Variants in ZNF608 observed in about 807,000 individuals in gnomAD.
The protein encoded by ZNF608 is zinc finger protein 608.
Under a neutral mutation model 109.0 loss-of-function variants are expected in ZNF608, and 12 were observed. That is an observed-to-expected ratio of 0.11 (90% CI 0.07 to 0.18). The LOEUF is 0.18. ZNF608 is among the 10% of genes least tolerant of loss of function. ZNF608 has a pLI of 1.00. For synonymous variants in ZNF608, 732 were observed against 717.4 expected (o/e 1.02, Z -0.33); for missense variants, 1,707 against 1,879.3 (o/e 0.91, Z 1.70).
intron 3 of ZNF608, among the ~76,000 whole-genome samples, chr5:124,689,805 A>G (rs1397277480): frequency 1.3e-5 from 2 of 152,218 alleles, no homozygotes; most frequent in Non-Finnish European, 2.9e-5. Context: ...TTTCCAAAAA[A>G]CAGTCTGGCA....
Position 124,733,346 on chromosome 5 carries a change from C to A in ZNF608, c.906+10738G>T, listed in dbSNP as rs1201846446. ...CATTTGGAGTTTATAAAACTATGCA[C>A]CATCAACAAAAGCATGTAATGCTTC... On this transcript the variant is annotated intron_variant, in intron 2 of 9. Coordinates refer to ENST00000513986, the MANE Select transcript of ZNF608 (RefSeq NM_020747.3). Among the ~76,000 whole-genome samples the A allele has an allele frequency of 2.6e-5, 4 of 151,408 alleles. No homozygotes were observed. In the East Asian group the frequency reaches 7.8e-4, roughly 29 times the overall value.
intron 2 of ZNF608, chr5:124,710,167 G>A: frequency 2.2e-6 from 1 of 450,872 alleles, no homozygotes; most frequent in South Asian, 1.6e-5. Flanking sequence ...AAGGTTAGAA[G>A]TCTCTCATCC....
At chr5:124,725,838 C>G (rs1754115570) in intron 2 of ZNF608, among the ~76,000 whole-genome samples, 1 of 152,038 alleles carries the variant, frequency 6.6e-6, no homozygotes, top group Non-Finnish European at 1.5e-5. Context: ...CAGCTCTTCT[C>G]CACCCCTCTC....
intron 2 of ZNF608, among the ~76,000 whole-genome samples, chr5:124,717,583 T>C (rs1753754641): frequency 1.3e-5 from 2 of 152,234 alleles, no homozygotes; most frequent in East Asian, 3.8e-4. Flanking sequence ...TAACTAATGT[T>C]AGCAAAAAGG....
intron 2 of ZNF608, among the ~76,000 whole-genome samples, chr5:124,730,579 G>C (rs572210721): frequency 6.6e-6 from 1 of 152,214 alleles, no homozygotes; most frequent in African/African-American, 2.4e-5. Flanking sequence ...GTGTTTCAAA[G>C]GAGACTTTAA....
chr5:124,723,644 T>G (rs1754023334), intron 2 of ZNF608, among the ~76,000 whole-genome samples: 1 of 152,092 alleles, frequency 6.6e-6, no homozygotes, highest in African/African-American at 2.4e-5. Flanking sequence ...CCAGAGATCG[T>G]GCCACTGCAC....
intron 2 of ZNF608, chr5:124,708,821 C>T (rs1458063930): frequency 4.0e-5 from 18 of 448,348 alleles, no homozygotes; most frequent in South Asian, 2.9e-4. Flanking sequence ...CCAGTGGGGC[C>T]AAGACGGATG....
At chr5:124,719,793 C>T (rs1753836481) in intron 2 of ZNF608, among the ~76,000 whole-genome samples, 2 of 152,218 alleles carry the variant, frequency 1.3e-5, no homozygotes, top group South Asian at 4.2e-4. Context: ...AGAGAGAGTC[C>T]ATACATGCCC....
chr5:124,696,716 T>C (rs1006676958), intron 3 of ZNF608, among the ~76,000 whole-genome samples: 9 of 152,200 alleles, frequency 5.9e-5, no homozygotes, highest in African/African-American at 1.4e-4. Flanking sequence ...TCACCTGCCA[T>C]AGCATCTTGA....
intron 2 of ZNF608, chr5:124,708,851 C>A (rs182706901): frequency 6.8e-6 from 3 of 438,142 alleles, no homozygotes; most frequent in Non-Finnish European, 9.1e-6. Flanking sequence ...CCAGCCAGAA[C>A]CCCCACCATG....
chr5:124,691,245 T>C (rs1448658537), intron 3 of ZNF608, among the ~76,000 whole-genome samples: 1 of 151,962 alleles, frequency 6.6e-6, no homozygotes, highest in Non-Finnish European at 1.5e-5. Flanking sequence ...AGCAAGACCC[T>C]GTCTCTTTTA....
rs542090838 is a variant in ZNF608, at chr5:124,646,893, T to A, written c.3491A>T (p.Lys1164Ile). Reference sequence around the variant, plus strand: ...TGATGGCCCTAGTTTAGAATGGTTTTTGTTAGGCTCCGGAGTAGAGGGAGC... The same window carrying A: ...TGATGGCCCTAGTTTAGAATGGTTTATGTTAGGCTCCGGAGTAGAGGGAGC... ...SKAPSTPEPN[K>I]NHSKLGPSVP... The change falls in exon 5 of 10, where the codon AAA (lysine) becomes ATA (isoleucine). Residue 1164 changes from lysine (K) to isoleucine (I), a missense_variant. By Grantham distance (102) the Lys-to-Ile change is moderately radical (BLOSUM62 -3). Around this residue, in one of 7 missense-constraint regions of ZNF608, gnomAD observed 1,073 missense variants for 1,133.5 expected, o/e 0.95. Coordinates refer to ENST00000513986, the MANE Select transcript of ZNF608 (RefSeq NM_020747.3). 96 of 1,614,186 alleles carry A rather than the reference T, an allele frequency of 5.9e-5. 1 individual carries two copies. In the South Asian group the frequency reaches 9.9e-4, roughly 17 times the overall value.
At chr5:124,722,580 CA>C (rs1348817296) in intron 2 of ZNF608, among the ~76,000 whole-genome samples, 17 of 14,912 alleles carry the variant, frequency 1.1e-3, no homozygotes, top group Non-Finnish European at 2.0e-3. Flanking sequence ...TTAAAATACA[CA>C]CACACACACA....
At position 124,647,992 on chromosome 5, in the gene ZNF608, G is replaced by C; in HGVS notation, c.2392C>G (p.Pro798Ala). ...IQPKPTIMGE[P>A]ITVNPALVSL... ...ACCAGAGCTGGGTTCACGGTGATGGGCTCTCCCATAATTGTGGGCTTTGGT... is the reference window on the plus strand; with the variant it reads ...ACCAGAGCTGGGTTCACGGTGATGGCCTCTCCCATAATTGTGGGCTTTGGT... Residue 798 changes from proline (P) to alanine (A), a missense_variant, in exon 5 of 10, where the codon CCC becomes GCC. Pro to Ala is a conservative substitution (Grantham distance 27, BLOSUM62 -1). Coordinates refer to ENST00000513986, the MANE Select transcript of ZNF608 (RefSeq NM_020747.3). 6.2e-7 allele frequency: 1 copy of C among 1,614,184 alleles called. No homozygotes were observed. Among genetic ancestry groups the C allele is most frequent in the Non-Finnish European group, 8.5e-7 (1 of 1,180,036 alleles).
At chr5:124,715,403 C>T (rs140845277) in intron 2 of ZNF608, among the ~76,000 whole-genome samples, 12 of 152,048 alleles carry the variant, frequency 7.9e-5, no homozygotes, top group Non-Finnish European at 1.6e-4. Flanking sequence ...GTACAAGCAC[C>T]CCACGGGTGA....
intron 3 of ZNF608, among the ~76,000 whole-genome samples, chr5:124,692,995 G>A (rs1197358445): frequency 6.6e-6 from 1 of 152,146 alleles, no homozygotes; most frequent in Non-Finnish European, 1.5e-5. Context: ...ACAAAATGGG[G>A]GGATTGGAGT....
chr5:124,742,103 C>G (rs1305627399), intron 2 of ZNF608, among the ~76,000 whole-genome samples: 1 of 151,718 alleles, frequency 6.6e-6, no homozygotes, highest in Non-Finnish European at 1.5e-5. Context: ...CACATTTATA[C>G]TGCTCTAACT....
intron 3 of ZNF608, among the ~76,000 whole-genome samples, chr5:124,677,168 G>C (rs13177306): frequency 0.28 from 42,001 of 152,054 alleles, 5,875 homozygotes; most frequent in Middle Eastern, 0.32. Context: ...ATACATTCAT[G>C]CTTGTTTCAC....
At chr5:124,683,559 G>A (rs1025791791) in intron 3 of ZNF608, among the ~76,000 whole-genome samples, 20 of 152,116 alleles carry the variant, frequency 1.3e-4, no homozygotes, top group African/African-American at 4.8e-4. Context: ...AAATATAGAG[G>A]AAAATGCCAG....
Sources: gnomAD v4.1 joint callset for allele counts (sites outside exome capture counted in the v4.1 genomes callset) on GRCh38, gnomAD v4.1.1 for gene constraint, gnomAD v4.1.1 regional missense constraint, MANE v1.5 for transcripts, NCBI Gene and HGNC (gene_info 2026-07-23, HGNC 2026-07-21) for gene names.